The following KCTD16 variants were observed in gnomAD, a reference collection of about 807,000 sequenced individuals.
KCTD16 encodes the protein potassium channel tetramerization domain containing 16.
KCTD16 carries 13 observed loss-of-function variants against 33.2 expected under a neutral mutation model. The ratio of observed to expected loss-of-function variants is 0.39; its 90% CI spans 0.25 to 0.62. The LOEUF is 0.62. KCTD16 is among the 20% of genes least tolerant of loss of function. The pLI is 0.50. For synonymous variants in KCTD16, 197 were observed against 195.3 expected, an observed-to-expected ratio of 1.01 and a Z score of -0.07; for missense variants, 441 against 525.1, an observed-to-expected ratio of 0.84 and a Z score of 1.57.
chr5:144,447,467 T>G (rs890834641), intron 3 of KCTD16, among the ~76,000 whole-genome samples: 1 of 152,052 alleles, frequency 6.6e-6, no homozygotes, highest in African/African-American at 2.4e-5. Context: ...GATGATGGGT[T>G]GGTGGGTGCA....
chr5:144,269,478 C>T (rs1353467408), intron 3 of KCTD16, among the ~76,000 whole-genome samples: 1 of 151,942 alleles, frequency 6.6e-6, no homozygotes, highest in African/African-American at 2.4e-5. Flanking sequence ...ACAAATAATC[C>T]TATATCTGGC....
intron 3 of KCTD16, among the ~76,000 whole-genome samples, chr5:144,240,872 AG>A (rs1227489305): frequency 6.6e-6 from 1 of 152,158 alleles, no homozygotes; most frequent in Non-Finnish European, 1.5e-5. Flanking sequence ...GCTTCATACC[AG>A]GGGTACTTGA....
chr5:144,177,567 T>C (rs1394557628), intron 2 of KCTD16, among the ~76,000 whole-genome samples: 1 of 152,186 alleles, frequency 6.6e-6, no homozygotes, highest in Non-Finnish European at 1.5e-5. Context: ...TGACATTCCT[T>C]AGCTTGTAGA....
At chr5:144,245,997 C>T (rs1754539634) in intron 3 of KCTD16, among the ~76,000 whole-genome samples, 1 of 152,128 alleles carries the variant, frequency 6.6e-6, no homozygotes, top group Non-Finnish European at 1.5e-5. Flanking sequence ...GATTCAGACA[C>T]TACAGGGCTT....
At chr5:144,289,164 G>A (rs1755828755) in intron 3 of KCTD16, among the ~76,000 whole-genome samples, 1 of 152,176 alleles carries the variant, frequency 6.6e-6, no homozygotes, top group Admixed American at 6.5e-5. Context: ...AAGGATGATA[G>A]TAAATTAGAA....
intron 3 of KCTD16, among the ~76,000 whole-genome samples, chr5:144,336,526 G>A (rs370944277): frequency 2.0e-5 from 3 of 152,076 alleles, no homozygotes; most frequent in South Asian, 4.1e-4. Context: ...TTTGCCCCTG[G>A]TCCCATGCCT....
chr5:144,176,075 T>C (rs1752499602), intron 2 of KCTD16, among the ~76,000 whole-genome samples: 1 of 152,236 alleles, frequency 6.6e-6, no homozygotes, highest in Non-Finnish European at 1.5e-5. Flanking sequence ...GTCTGCATTG[T>C]AAATTTTAGT....
At chr5:144,185,641 G>A (rs1422556573) in intron 2 of KCTD16, among the ~76,000 whole-genome samples, 2 of 152,016 alleles carry the variant, frequency 1.3e-5, no homozygotes, top group African/African-American at 4.8e-5. Context: ...CTGGAGTAGG[G>A]GAGGGATAAT....
intron 3 of KCTD16, among the ~76,000 whole-genome samples, chr5:144,352,356 T>C (rs185807670): frequency 1.4e-4 from 22 of 152,254 alleles, no homozygotes; most frequent in African/African-American, 5.3e-4. Context: ...TTCATTCATA[T>C]TGAATACGAA....
At chr5:144,371,294 AC>A (rs1419576165) in intron 3 of KCTD16, among the ~76,000 whole-genome samples, 1 of 152,080 alleles carries the variant, frequency 6.6e-6, no homozygotes, top group African/African-American at 2.4e-5. Context: ...CTGGAAATGC[AC>A]TTTTTTCAAG....
intron 3 of KCTD16, among the ~76,000 whole-genome samples, chr5:144,284,243 C>G (rs370399854): frequency 1.3e-5 from 2 of 152,260 alleles, no homozygotes; most frequent in East Asian, 3.9e-4. Flanking sequence ...TCTGCTGTTG[C>G]AAATAGCATG....
chr5:144,446,519 C>G (rs1284297841), intron 3 of KCTD16, among the ~76,000 whole-genome samples: 1 of 152,058 alleles, frequency 6.6e-6, no homozygotes. Context: ...GACTAAAACA[C>G]CAAAAGCAAT....
chr5:144,183,818 G>C (rs899215230), intron 2 of KCTD16, among the ~76,000 whole-genome samples: 6 of 152,122 alleles, frequency 3.9e-5, no homozygotes, highest in African/African-American at 1.4e-4. Context: ...AATGAATCAA[G>C]GCTAGAACTT....
chr5:144,249,096 A>G (rs534813233), intron 3 of KCTD16, among the ~76,000 whole-genome samples: 10 of 152,264 alleles, frequency 6.6e-5, no homozygotes, highest in African/African-American at 2.4e-4. Context: ...GACCCTTCCT[A>G]TATGTATTAC....
At chr5:144,205,825 T>C (rs547883129) in intron 2 of KCTD16, 3 of 364,848 alleles carry the variant, frequency 8.2e-6, no homozygotes, top group Middle Eastern at 1.4e-3. Flanking sequence ...TGTACCTACA[T>C]ACATACATAA....
chr5:144,357,540 A>G (rs888270294), intron 3 of KCTD16, among the ~76,000 whole-genome samples: 5 of 152,212 alleles, frequency 3.3e-5, no homozygotes, highest in South Asian at 2.1e-4. Flanking sequence ...GCCTGGTGCT[A>G]TAGTAGAGTC....
chr5:144,276,239 A>T (rs2126850930), intron 3 of KCTD16, among the ~76,000 whole-genome samples: 1 of 152,324 alleles, frequency 6.6e-6, no homozygotes, highest in South Asian at 2.1e-4. Context: ...TTTTGTAAAA[A>T]GAATGACATC....
At chr5:144,260,328 T>A (rs965576355) in intron 3 of KCTD16, among the ~76,000 whole-genome samples, 5 of 152,200 alleles carry the variant, frequency 3.3e-5, no homozygotes, top group African/African-American at 1.2e-4. Context: ...AATTAAACTC[T>A]GCATGGCCTC....
At chr5:144,184,143 A>C (rs1411672462) in intron 2 of KCTD16, among the ~76,000 whole-genome samples, 3 of 152,214 alleles carry the variant, frequency 2.0e-5, no homozygotes, top group African/African-American at 7.2e-5. Context: ...TGTCTTAACT[A>C]TTTTTAAGTA....
Sources: gnomAD v4.1 joint callset for allele counts (sites outside exome capture counted in the v4.1 genomes callset) on GRCh38, gnomAD v4.1.1 for gene constraint, MANE v1.5 for transcripts, NCBI Gene and HGNC (gene_info 2026-07-23, HGNC 2026-07-21) for gene names.